CFAP299: variants seen among roughly 807,000 people sequenced by gnomAD.
CFAP299 encodes the protein cilia- and flagella-associated protein 299.
A neutral mutation model predicts 27.0 loss-of-function variants in CFAP299; 21 were observed. The ratio of observed to expected loss-of-function variants is 0.78; its 90% confidence interval spans 0.55 to 1.12. The LOEUF is 1.12. CFAP299 is among the 50% of genes most tolerant of loss of function. CFAP299 has a pLI of 0.00. For synonymous variants in CFAP299, 104 were observed against 98.1 expected (o/e 1.06, Z -0.36); for missense variants, 310 against 276.6 (o/e 1.12, Z -0.86).
rs558285699 is a variant in CFAP299, at chr4:80,609,719, C to T, written c.333+26536C>T. Among the ~76,000 whole-genome samples, 3 of 151,804 alleles carry T rather than the reference C, an allele frequency of 2.0e-5. No individual in the cohort carries two copies. The East Asian group carries it at 5.8e-4, about 29-fold the overall frequency. ...ACATTTGTGGAATTTCTTAAAATTG[C>T]TATTTTATGTGTAACTGTTTTGGTA... On this transcript the variant is annotated intron_variant, in intron 3 of 5. Transcript: ENST00000358105.
At chr4:80,469,947 G>C (rs960051137) in intron 2 of CFAP299, among the ~76,000 whole-genome samples, 9 of 151,830 alleles carry the variant, frequency 5.9e-5, no homozygotes, top group African/African-American at 2.2e-4. Flanking sequence ...AATTGAGCAA[G>C]AAAAAATCTA....
At chr4:80,819,649 A>G (rs1729599509) in intron 3 of CFAP299, among the ~76,000 whole-genome samples, 1 of 152,198 alleles carries the variant, frequency 6.6e-6, no homozygotes, top group Admixed American at 6.6e-5. Flanking sequence ...AACGATCTCT[A>G]TGTAAACTGA....
chr4:80,883,320 G>A (rs1733808108), intron 4 of CFAP299, among the ~76,000 whole-genome samples: 1 of 151,844 alleles, frequency 6.6e-6, no homozygotes, highest in African/African-American at 2.4e-5. Flanking sequence ...AGGAATCAAA[G>A]CATACCACTA....
intron 2 of CFAP299, among the ~76,000 whole-genome samples, chr4:80,394,555 A>G (rs1271334548): frequency 6.6e-6 from 1 of 151,934 alleles, no homozygotes; most frequent in African/African-American, 2.4e-5. Flanking sequence ...TTGCAGTTTC[A>G]GTTTCTTACG....
chr4:80,552,881 G>A (rs1287907464), intron 2 of CFAP299, among the ~76,000 whole-genome samples: 2 of 152,010 alleles, frequency 1.3e-5, no homozygotes, highest in East Asian at 1.9e-4. Context: ...AGATGGGGGC[G>A]CTCACTATGT....
At chr4:80,730,645 A>G (rs1723466779) in intron 3 of CFAP299, among the ~76,000 whole-genome samples, 1 of 152,136 alleles carries the variant, frequency 6.6e-6, no homozygotes, top group African/African-American at 2.4e-5. Flanking sequence ...GCTTGACTAC[A>G]ATCTCATTAG....
intron 4 of CFAP299, chr4:80,870,517 G>A (rs1018074259): frequency 1.3e-5 from 13 of 992,104 alleles, no homozygotes; most frequent in Non-Finnish European, 1.6e-5. Context: ...CCAAAGTGCT[G>A]GCCCCTGATC....
chr4:80,914,363 T>C (rs1194115227), intron 4 of CFAP299, among the ~76,000 whole-genome samples: 1 of 152,168 alleles, frequency 6.6e-6, no homozygotes, highest in African/African-American at 2.4e-5. Context: ...ATTTTAGCTA[T>C]TCTGGTGTGT....
intron 3 of CFAP299, among the ~76,000 whole-genome samples, chr4:80,671,108 T>C (rs1405121076): frequency 1.3e-5 from 2 of 152,164 alleles, no homozygotes; most frequent in African/African-American, 4.8e-5. Context: ...TCTTCTAGGG[T>C]TTTTATGGCT....
chr4:80,333,081 T>A (rs187566530), upstream of CFAP299, among the ~76,000 whole-genome samples: 1 of 152,138 alleles, frequency 6.6e-6, no homozygotes, highest in African/African-American at 2.4e-5. Context: ...ATACTTGTAT[T>A]TCTCTCTTCT....
At chr4:80,387,971 G>T (rs912919754) in intron 2 of CFAP299, 2 of 755,286 alleles carry the variant, frequency 2.6e-6, no homozygotes, top group South Asian at 1.6e-5. Flanking sequence ...CACTGTGGGG[G>T]TGGGGTATAC....
chr4:80,724,566 C>T (rs889961630), intron 3 of CFAP299, among the ~76,000 whole-genome samples: 4 of 151,978 alleles, frequency 2.6e-5, no homozygotes, highest in Non-Finnish European at 5.9e-5. Context: ...AAGCCTATTT[C>T]GTCACTGACT....
intron 4 of CFAP299, among the ~76,000 whole-genome samples, chr4:80,930,465 G>A (rs1335639312): frequency 6.6e-6 from 1 of 152,158 alleles, no homozygotes; most frequent in Non-Finnish European, 1.5e-5. Flanking sequence ...ATTGACATCT[G>A]AAGTGGATGT....
chr4:80,492,789 T>C lies in CFAP299; in HGVS notation c.243-90304T>C, dbSNP rs531881032. Among the ~76,000 whole-genome samples the C allele has an allele frequency of 1.2e-4, 19 of 152,310 alleles. No individual in the cohort carries two copies. The East Asian group carries it at 3.5e-3, about 28-fold the overall frequency. The stretch of plus-strand genomic sequence containing the variant: ...GGGCAAAGGCCTTTATCATGGTTTC[T>C]ACAGGAAAGGCAAAGCAAGACTGAG... On this transcript the variant is annotated intron_variant, in intron 2 of 5. Coordinates refer to ENST00000358105, the MANE Select transcript of CFAP299 (RefSeq NM_152770.3).
chr4:80,799,096 T>A (rs1461969587), intron 3 of CFAP299, among the ~76,000 whole-genome samples: 1 of 139,952 alleles, frequency 7.1e-6, no homozygotes, highest in Admixed American at 8.0e-5. Flanking sequence ...TGTGTGTGAG[T>A]TTATATATAT....
chr4:80,632,419 AT>A (rs1433897717), intron 3 of CFAP299, among the ~76,000 whole-genome samples: 1 of 152,130 alleles, frequency 6.6e-6, no homozygotes, highest in African/African-American at 2.4e-5. Context: ...ATATTAGTTA[AT>A]TTGATCATTC....
intron 3 of CFAP299, among the ~76,000 whole-genome samples, chr4:80,675,086 T>C (rs1719348331): frequency 6.6e-6 from 1 of 152,220 alleles, no homozygotes; most frequent in African/African-American, 2.4e-5. Flanking sequence ...GCTGTGATCC[T>C]TTGGACCAGA....
At chr4:80,615,414 C>T (rs1467617008) in intron 3 of CFAP299, among the ~76,000 whole-genome samples, 2 of 152,084 alleles carry the variant, frequency 1.3e-5, no homozygotes, top group Non-Finnish European at 2.9e-5. Flanking sequence ...TGTTGGAAGT[C>T]ATACTTATTT....
At chr4:80,861,273 A>T (rs1732333188) in intron 3 of CFAP299, among the ~76,000 whole-genome samples, 1 of 152,158 alleles carries the variant, frequency 6.6e-6, no homozygotes, top group Admixed American at 6.5e-5. Context: ...AAAGTGCAGT[A>T]TTCGGGTGGG....
Sources: gnomAD v4.1 joint callset for allele counts (sites outside exome capture counted in the v4.1 genomes callset) on GRCh38, gnomAD v4.1.1 for gene constraint, MANE v1.5 for transcripts, NCBI Gene and HGNC (gene_info 2026-07-23, HGNC 2026-07-21) for gene names.